The following ZNF169 variants were observed in gnomAD, a reference collection of about 807,000 sequenced individuals.
ZNF169 encodes zinc finger protein 169.
In ZNF169, 11 loss-of-function variants were observed where a neutral mutation model predicts 12.0. The observed-to-expected ratio is 0.92, with a 90% CI of 0.58 to 1.52. The LOEUF (loss-of-function observed/expected upper bound fraction) is 1.52. Ranked by LOEUF, ZNF169 falls within the 40% of genes most tolerant of loss-of-function variation. ZNF169 has a pLI of 0.00. For synonymous variants in ZNF169, 302 were observed against 286.5 expected, an observed-to-expected ratio of 1.05 and a Z score of -0.55; for missense variants, 722 against 744.0, an observed-to-expected ratio of 0.97 and a Z score of 0.34.
chr9:94,282,920 G>A (rs1830665845), intron 2 of ZNF169, among the ~76,000 whole-genome samples: 1 of 151,970 alleles, frequency 6.6e-6, no homozygotes, highest in African/African-American at 2.4e-5. Context: ...TTTTATTATT[G>A]AGTGACCTTC....
At chr9:94,277,822 C>G (rs958781187) in intron 1 of ZNF169, among the ~76,000 whole-genome samples, 1 of 151,684 alleles carries the variant, frequency 6.6e-6, no homozygotes, top group Non-Finnish European at 1.5e-5. Context: ...GTCCCAGCTA[C>G]TCGGGAGGCT....
At chr9:94,274,173 A>G (rs764602492) in intron 1 of ZNF169, among the ~76,000 whole-genome samples, 8 of 152,084 alleles carry the variant, frequency 5.3e-5, no homozygotes, top group Non-Finnish European at 1.2e-4. Context: ...ATATTGGAGT[A>G]GGGCCCACTC....
chr9:94,300,140 T>TG lies in ZNF169; in HGVS notation c.588dup (p.Ser197ValfsTer22), dbSNP rs770976493. The TG allele has an allele frequency of 2.5e-6, 4 of 1,614,016 alleles. No individual in the cohort carries two copies. The highest frequency in any genetic ancestry group is 2.7e-5 in the African/African-American group (2 of 75,000). ...TTCGCCTGGCCCAAAGGATGAGTCTTGGGGGGTCAGACACAATGTTGAAGG... is the reference window on the plus strand; with the variant it reads ...TTCGCCTGGCCCAAAGGATGAGTCTTGGGGGGGTCAGACACAATGTTGAAGG... On this transcript the variant is annotated frameshift_variant, in exon 5 of 5. Coordinates refer to ENST00000395395, the MANE Select transcript of ZNF169 (RefSeq NM_194320.4). LOFTEE classifies it low-confidence loss of function (END_TRUNC).
At chr9:94,270,785 A>T (rs1220200930) in intron 1 of ZNF169, among the ~76,000 whole-genome samples, 1 of 77,134 alleles carries the variant, frequency 1.3e-5, no homozygotes, top group Non-Finnish European at 2.4e-5. Context: ...TATTATATAA[A>T]TATATATAAA....
In ZNF169 at chr9:94,278,864, T is replaced by TC. The variant is rs1382430806; in HGVS notation, c.33+21dup. 3.7e-6 allele frequency: 6 copies of TC among 1,613,334 alleles called. No homozygotes were observed. The African/African-American group carries it at 6.7e-5, about 18-fold the overall frequency. ...GAAGGAGGTAAGTCCTGAAATTTCTTCCTAGCTATTGCAGGAAGGTTTCAT... is the reference window on the plus strand; with the variant it reads ...GAAGGAGGTAAGTCCTGAAATTTCTTCCCTAGCTATTGCAGGAAGGTTTCAT... On this transcript the variant is annotated intron_variant, in intron 2 of 4. Transcript: ENST00000395395.
intron 2 of ZNF169, among the ~76,000 whole-genome samples, chr9:94,287,507 G>T (rs1305117708): frequency 6.6e-6 from 1 of 152,010 alleles, no homozygotes; most frequent in African/African-American, 2.4e-5. Flanking sequence ...TGGGACTACA[G>T]GCGCCCGCCA....
chr9:94,286,439 C>G (rs1830721151), intron 2 of ZNF169, among the ~76,000 whole-genome samples: 1 of 152,104 alleles, frequency 6.6e-6, no homozygotes, highest in Non-Finnish European at 1.5e-5. Flanking sequence ...CAGTTTGGCT[C>G]TGTGTCCTCA....
At position 94,278,782 on chromosome 9, in the gene ZNF169, C is replaced by T; in HGVS notation, c.-31C>T. On this transcript the variant is annotated 5_prime_UTR_variant, in exon 2 of 5. Coordinates refer to ENST00000395395, the MANE Select transcript of ZNF169 (RefSeq NM_194320.4). ...GATTTGCCTCTGCAACTTGACTCTC[C>T]TCTAGGAAGAGTACTCCAGAGAGCA... 3 of 1,612,540 alleles carry T rather than the reference C, an allele frequency of 1.9e-6. No homozygotes were observed. Among genetic ancestry groups the T allele is most frequent in the Non-Finnish European group, 2.5e-6 (3 of 1,179,338 alleles).
At chr9:94,275,569 C>T (rs1830503412) in intron 1 of ZNF169, among the ~76,000 whole-genome samples, 1 of 152,100 alleles carries the variant, frequency 6.6e-6, no homozygotes, top group African/African-American at 2.4e-5. Context: ...AATAAATTTT[C>T]TTAACTATGA....
At chr9:94,279,815 A>G (rs1221941411) in intron 2 of ZNF169, among the ~76,000 whole-genome samples, 1 of 152,154 alleles carries the variant, frequency 6.6e-6, no homozygotes, top group Non-Finnish European at 1.5e-5. Context: ...TGGTGCATGG[A>G]TAGATTTAGT....
At chr9:94,299,737 T>C in intron 4 of ZNF169, 78 bp from the exon 5 acceptor site, 1 of 1,525,980 alleles carries the variant, frequency 6.6e-7, no homozygotes, top group East Asian at 2.3e-5. Context: ...GTTGTGAACA[T>C]CTGAAGAAAA....
chr9:94,288,156 T>G, intron 2 of ZNF169: 1 of 805,582 alleles, frequency 1.2e-6, no homozygotes, highest in Non-Finnish European at 2.2e-6. Context: ...CCCAGCAATG[T>G]CAAAATCCAT....
intron 4 of ZNF169, among the ~76,000 whole-genome samples, chr9:94,297,697 C>T (rs1830979640): frequency 6.6e-6 from 1 of 152,170 alleles, no homozygotes; most frequent in South Asian, 2.1e-4. Flanking sequence ...AATAGAATAA[C>T]ATATAAATCA....
chr9:94,263,764 G>GTT (rs1202092593), intron 1 of ZNF169, among the ~76,000 whole-genome samples: 1 of 147,970 alleles, frequency 6.8e-6, no homozygotes, highest in African/African-American at 2.5e-5. Context: ...TTTACTGTTT[G>GTT]TTTTTTTATT....
chr9:94,296,737 A>G (rs1042270971), intron 4 of ZNF169: 2 of 457,004 alleles, frequency 4.4e-6, no homozygotes, highest in African/African-American at 4.0e-5. Context: ...CTCTATGCCA[A>G]TACCACAGTT....
chr9:94,266,085 CA>C (rs34161642), intron 1 of ZNF169, among the ~76,000 whole-genome samples: 44,292 of 133,886 alleles, frequency 0.33, 7,989 homozygotes, highest in African/African-American at 0.52. Flanking sequence ...GACTTTGTCT[CA>C]AAAAAAAAAA....
At position 94,278,754 on chromosome 9, in the gene ZNF169, C is replaced by T. The variant is rs1200730598; in HGVS notation, c.-55-4C>T. ...CCTCTCTCACTTCTCATCTCTTTCC[C>T]CAGATTTGCCTCTGCAACTTGACTC... On this transcript the variant is annotated splice_polypyrimidine_tract_variant and splice_region_variant and intron_variant, in intron 1 of 4. Coordinates refer to ENST00000395395, the MANE Select transcript of ZNF169 (RefSeq NM_194320.4). 6.4e-7 allele frequency: 1 copy of T among 1,564,588 alleles called. No homozygotes were observed. Among genetic ancestry groups the T allele is most frequent in the South Asian group, 1.1e-5 (1 of 89,014 alleles).
chr9:94,278,000 C>T (rs1292216226), intron 1 of ZNF169, among the ~76,000 whole-genome samples: 2 of 151,944 alleles, frequency 1.3e-5, no homozygotes, highest in African/African-American at 4.8e-5. Context: ...CAATAATTCT[C>T]ATCACATATT....
chr9:94,277,646 T>C (rs1348205188), intron 1 of ZNF169, among the ~76,000 whole-genome samples: 2 of 151,954 alleles, frequency 1.3e-5, no homozygotes, highest in African/African-American at 4.8e-5. Flanking sequence ...TTTAGAAAAA[T>C]CAGGGCCGGG....
Sources: allele counts gnomAD v4.1 joint callset (sites outside exome capture counted in the v4.1 genomes callset), GRCh38; gene constraint gnomAD v4.1.1; transcripts MANE v1.5; gene names NCBI Gene and HGNC (gene_info 2026-07-23, HGNC 2026-07-21).